The following JMJD1C variants were observed in gnomAD, a reference collection of about 807,000 sequenced individuals.
JMJD1C encodes jumonji domain-containing protein 1C.
JMJD1C carries 31 observed loss-of-function variants against 245.3 expected under a neutral mutation model. The observed-to-expected ratio is 0.13, with a 90% CI of 0.09 to 0.17. The LOEUF (loss-of-function observed/expected upper bound fraction) is 0.17. JMJD1C is among the 10% of genes least tolerant of loss of function. JMJD1C has a pLI of 1.00. For missense variants in JMJD1C, 2,691 were observed against 3,000.2 expected, an observed-to-expected ratio of 0.90 and a Z score of 2.41; for synonymous variants, 1,057 against 1,017.4, an observed-to-expected ratio of 1.04 and a Z score of -0.74.
Position 63,264,007 on chromosome 10 carries a change from C to G in JMJD1C, c.447+644G>C, listed in dbSNP as rs188796781. The stretch of plus-strand genomic sequence containing the variant: ...ACACACACACACACACACACACACA[C>G]AATTCTGTGAGCTTTACTTATACCT... On this transcript the variant is annotated intron_variant, in intron 3 of 25. Coordinates refer to ENST00000399262, the MANE Select transcript of JMJD1C (RefSeq NM_032776.3). Among the ~76,000 whole-genome samples the G allele has an allele frequency of 5.2e-3, 710 of 136,736 alleles. 6 individuals are homozygous for G. Among genetic ancestry groups the G allele is most frequent in the Middle Eastern group, 0.016 (4 of 254 alleles). 89.7% of individuals were successfully genotyped at this position (136,736 alleles called of 152,430 possible). A position where few individuals can be genotyped will look rare whatever the true frequency, so the allele number is the denominator to read the frequency against.
At chr10:63,201,367 G>C (rs978104263) in intron 10 of JMJD1C, among the ~76,000 whole-genome samples, 1 of 151,886 alleles carries the variant, frequency 6.6e-6, no homozygotes, top group African/African-American at 2.4e-5. Flanking sequence ...AAATTAACTT[G>C]GCTATCTTTA....
chr10:63,265,476 G>C (rs908908547), intron 2 of JMJD1C, among the ~76,000 whole-genome samples: 2 of 152,078 alleles, frequency 1.3e-5, no homozygotes, highest in African/African-American at 4.8e-5. Flanking sequence ...GATTTAACTC[G>C]TATCTTGGGT....
At chr10:63,478,561 TTA>T (rs1953732024) in intron 1 of JMJD1C, among the ~76,000 whole-genome samples, 1 of 152,202 alleles carries the variant, frequency 6.6e-6, no homozygotes. Context: ...ATACTTTTGC[TTA>T]CTGTTAATTA....
chr10:63,347,892 C>T (rs1200415068), intron 2 of JMJD1C, among the ~76,000 whole-genome samples: 5 of 151,976 alleles, frequency 3.3e-5, no homozygotes, highest in African/African-American at 1.2e-4. Flanking sequence ...CCAGCCTAGG[C>T]AACAGAGCAA....
At chr10:63,230,439 CAT>C (rs1849822543) in intron 3 of JMJD1C, among the ~76,000 whole-genome samples, 1 of 152,116 alleles carries the variant, frequency 6.6e-6, no homozygotes, top group East Asian at 1.9e-4. Flanking sequence ...ATTTTCACAG[CAT>C]CAACATTTAA....
intron 3 of JMJD1C, among the ~76,000 whole-genome samples, chr10:63,246,368 C>CTT (rs1852198812): frequency 6.6e-6 from 1 of 152,100 alleles, no homozygotes; most frequent in East Asian, 1.9e-4. Context: ...TCCCAACAGA[C>CTT]TTCTCAATGG....
At chr10:63,216,604 G>C (rs1354663067) in intron 5 of JMJD1C, among the ~76,000 whole-genome samples, 2 of 152,098 alleles carry the variant, frequency 1.3e-5, no homozygotes, top group Non-Finnish European at 2.9e-5. Flanking sequence ...CAGCTACTCG[G>C]GAGGCTGAGG....
chr10:63,507,176 T>G (rs535494738), intron 1 of JMJD1C, among the ~76,000 whole-genome samples: 2 of 152,230 alleles, frequency 1.3e-5, no homozygotes, highest in African/African-American at 2.4e-5. Flanking sequence ...AAAAGGCATC[T>G]TGGTTATTTC....
At chr10:63,487,855 G>A (rs948460248) in intron 1 of JMJD1C, among the ~76,000 whole-genome samples, 3 of 152,082 alleles carry the variant, frequency 2.0e-5, no homozygotes, top group Admixed American at 6.6e-5. Flanking sequence ...AGAAACTATC[G>A]TTTACTGTGA....
chr10:63,389,596 T>C lies in JMJD1C; in HGVS notation c.169-9114A>G, dbSNP rs560969538. Among the ~76,000 whole-genome samples the C allele has an allele frequency of 1.0e-3, 152 of 152,042 alleles. 2 individuals are homozygous for C. The South Asian group carries it at 0.012, about 12-fold the overall frequency. ...TTTCATCCCACAGCTAAAGAACACA[T>C]ATTCTTCTCACCAGCAAATGGAAGA... is the stretch of plus-strand genomic sequence containing the variant. On this transcript the variant is annotated intron_variant, in intron 1 of 25. Transcript: ENST00000399262.
chr10:63,349,100 C>CAAAA (rs71463516), intron 2 of JMJD1C, among the ~76,000 whole-genome samples: 675 of 34,842 alleles, frequency 0.019, 157 homozygotes, highest in African/African-American at 0.048. Context: ...GACTCTGTCT[C>CAAAA]AAAAAAAAAA....
At chr10:63,242,500 T>C (rs1851606211) in intron 3 of JMJD1C, among the ~76,000 whole-genome samples, 3 of 152,124 alleles carry the variant, frequency 2.0e-5, no homozygotes, top group African/African-American at 7.2e-5. Context: ...GGTGGGTGGA[T>C]CATCTGAGGT....
rs757006564 is a variant in JMJD1C, at chr10:63,183,459, G to A, written c.7072C>T (p.Leu2358Phe). Reference protein sequence around the residue: ...YVGIAKGNGILSKAGILKKFE... With the variant: ...YVGIAKGNGIFSKAGILKKFE... ...CTTTTAAGTTTACCTGCTTTTGAGA[G>A]AATGCCATTTCCTTTTGCTATGCCA... The change falls in exon 22 of 26, where the codon CTC (leucine) becomes TTC (phenylalanine). Residue 2358 changes from leucine (L) to phenylalanine (F), a missense_variant. Leu to Phe is a conservative substitution (Grantham distance 22, BLOSUM62 0). This residue lies in a region of JMJD1C where 232 missense variants were observed against 416.1 expected (regional missense o/e 0.56). Transcript: ENST00000399262. 4.7e-5 allele frequency: 76 copies of A among 1,603,862 alleles called. 1 individual carries two copies. The highest frequency in any genetic ancestry group is 7.7e-6 in the Non-Finnish European group (9 of 1,176,460).
At chr10:63,491,475 G>A (rs1295141748) in intron 1 of JMJD1C, among the ~76,000 whole-genome samples, 1 of 152,130 alleles carries the variant, frequency 6.6e-6, no homozygotes, top group Non-Finnish European at 1.5e-5. Flanking sequence ...CTTGCATAAT[G>A]ACTCGCATAA....
At chr10:63,390,377 T>C (rs995130892) in intron 1 of JMJD1C, among the ~76,000 whole-genome samples, 3 of 152,068 alleles carry the variant, frequency 2.0e-5, no homozygotes, top group Non-Finnish European at 2.9e-5. Flanking sequence ...TGAGGTAAAA[T>C]TAGTAGTAAA....
chr10:63,407,708 G>A lies in JMJD1C; in HGVS notation c.169-27226C>T, dbSNP rs192994425. 7.0e-5 allele frequency among the ~76,000 whole-genome samples: 10 copies of A among 143,654 alleles called. No individual in the cohort carries two copies. The East Asian group carries it at 1.8e-3, about 26-fold the overall frequency. The allele number at this position is 143,654 out of a possible 152,430, so 94.2% of individuals were successfully genotyped here. On this transcript the variant is annotated intron_variant, in intron 1 of 25. Coordinates refer to ENST00000399262, the MANE Select transcript of JMJD1C (RefSeq NM_032776.3). ...TGACAGGAAGAAAATAGACCAAAGA[G>A]AAGAAAACAAAACATTAAAAAAAAA...
At chr10:63,281,989 AT>A (rs2133891340) in intron 2 of JMJD1C, among the ~76,000 whole-genome samples, 1 of 152,284 alleles carries the variant, frequency 6.6e-6, no homozygotes, top group South Asian at 2.1e-4. Flanking sequence ...ACGTTTGCAT[AT>A]GACTGATTTC....
chr10:63,274,290 C>T lies in JMJD1C; in HGVS notation c.334-9526G>A, dbSNP rs149308701. On this transcript the variant is annotated intron_variant, in intron 2 of 25. Transcript: ENST00000399262. ...ATTAAGTTTTTAACAGTAGGTCATACGCAGTGGTTCACGCCTGTAATCCCA... is the reference window on the plus strand; with the variant it reads ...ATTAAGTTTTTAACAGTAGGTCATATGCAGTGGTTCACGCCTGTAATCCCA... Among the ~76,000 whole-genome samples the T allele has an allele frequency of 1.5e-4, 23 of 152,246 alleles. No individual in the cohort carries two copies. The East Asian group carries it at 4.2e-3, about 28-fold the overall frequency.
At chr10:63,314,710 C>T (rs1015718320) in intron 2 of JMJD1C, among the ~76,000 whole-genome samples, 8 of 150,882 alleles carry the variant, frequency 5.3e-5, no homozygotes, top group Non-Finnish European at 8.8e-5. Context: ...TGTAATGGTG[C>T]GAGCTCAGCT....
Sources: gnomAD v4.1 joint callset for allele counts (sites outside exome capture counted in the v4.1 genomes callset) on GRCh38, gnomAD v4.1.1 for gene constraint, gnomAD v4.1.1 regional missense constraint, MANE v1.5 for transcripts, NCBI Gene and HGNC (gene_info 2026-07-23, HGNC 2026-07-21) for gene names.